The following NUP133 variants were observed in gnomAD, a reference collection of about 807,000 sequenced individuals.
NUP133 encodes the protein nuclear pore complex protein Nup133.
NUP133 carries 66 observed loss-of-function variants against 146.2 expected under a neutral mutation model. The observed-to-expected ratio is 0.45, with a 90% CI of 0.37 to 0.55. NUP133 has a LOEUF of 0.55. Among genes scored for constraint, NUP133 ranks in the 20% least tolerant of loss-of-function variants. The pLI, the probability that NUP133 is intolerant of heterozygous loss-of-function variation, is 0.00. For missense variants in NUP133, 1,277 were observed against 1,374.8 expected, an observed-to-expected ratio of 0.93 and a Z score of 1.12; for synonymous variants, 521 against 498.8, an observed-to-expected ratio of 1.04 and a Z score of -0.59.
Position 229,487,466 on chromosome 1 carries a change from CTTGTGCAT to C in NUP133, c.1334_1341del (p.Asn445ArgfsTer3), listed in dbSNP as rs1373565590. On this transcript the variant is annotated frameshift_variant and splice_region_variant, in exon 10 of 26. Transcript: ENST00000261396. LOFTEE classifies it high-confidence loss of function. ...ATGCTTTCTAAAACTGCTACTGTAC[CTTGTGCAT>C]TAAAGACAATTTTCTCCTGGGGAAG... 1 of 1,612,696 alleles carries C rather than the reference CTTGTGCAT, an allele frequency of 6.2e-7. No homozygotes were observed. Among genetic ancestry groups the C allele is most frequent in the Non-Finnish European group, 8.5e-7 (1 of 1,179,730 alleles).
intron 3 of NUP133, among the ~76,000 whole-genome samples, chr1:229,501,292 A>T (rs562652928): frequency 1.3e-5 from 2 of 152,230 alleles, no homozygotes; most frequent in East Asian, 3.8e-4. Flanking sequence ...TCTCAGCCAA[A>T]TATCAGGATC....
rs1306004025 is a variant in NUP133 at position 229,508,270 on chromosome 1, A to G, written c.-21T>C. On this transcript the variant is annotated 5_prime_UTR_variant, in exon 1 of 26. Coordinates refer to ENST00000261396, the MANE Select transcript of NUP133 (RefSeq NM_018230.3). ...AACATGACTCCAAGGAGCAGCGACT[A>G]GGACAGCGAGGGATCTGGCCGTCAG... The G allele has an allele frequency of 2.8e-6, 4 of 1,431,958 alleles. No homozygotes were observed. The highest frequency in any genetic ancestry group is 1.5e-5 in the African/African-American group (1 of 67,320). 88.7% of individuals were successfully genotyped at this position (1,431,958 alleles called of 1,614,324 possible). A position where few individuals can be genotyped will look rare whatever the true frequency, so the allele number is the denominator to read the frequency against.
chr1:229,499,049 C>A (rs989251103), intron 5 of NUP133: 1 of 395,918 alleles, frequency 2.5e-6, no homozygotes, highest in Non-Finnish European at 5.1e-6. Context: ...CAGGCACACA[C>A]CACTATGCCC....
rs1400280133 is a variant in NUP133 at position 229,442,021 on chromosome 1, G to A, written c.3354C>T (p.Tyr1118=). 3 of 1,572,894 alleles carry A rather than the reference G, an allele frequency of 1.9e-6. No individual in the cohort carries two copies. Among genetic ancestry groups the A allele is most frequent in the Non-Finnish European group, 2.6e-6 (3 of 1,167,392 alleles). ...GTAGCAGGTCTTTCACCTCCGGTAA[G>A]TACTCACTGAGCTGAATGCCTATAA... ...LLKDGIQLSE[Y]LPEVKDLLQA... Residue 1118 remains tyrosine, a synonymous_variant, in exon 26 of 26, where the codon TAC becomes TAT. Coordinates refer to ENST00000261396, the MANE Select transcript of NUP133 (RefSeq NM_018230.3).
Position 229,441,697 on chromosome 1 carries a change from C to T in NUP133, c.*207G>A, listed in dbSNP as rs1660186598. 2.2e-6 allele frequency: 1 copy of T among 460,226 alleles called. No homozygotes were observed. Among genetic ancestry groups the T allele is most frequent in the African/African-American group, 2.0e-5 (1 of 49,918 alleles). The allele number at this position is 460,226 out of a possible 1,614,324, so 28.5% of individuals were successfully genotyped here. A position where few individuals can be genotyped will look rare whatever the true frequency, so the allele number is the denominator to read the frequency against. On this transcript the variant is annotated 3_prime_UTR_variant, in exon 26 of 26. Transcript: ENST00000261396. Reference sequence around the variant, plus strand: ...CCGAGTACAGGAACAACAACTGACACATTTCAGGTGGAAAAAACAAGTCAC... The same window carrying T: ...CCGAGTACAGGAACAACAACTGACATATTTCAGGTGGAAAAAACAAGTCAC...
intron 14 of NUP133, among the ~76,000 whole-genome samples, chr1:229,472,101 C>T (rs985025523): frequency 5.1e-4 from 78 of 152,006 alleles, no homozygotes; most frequent in African/African-American, 1.7e-3. Flanking sequence ...GGGCGGATCA[C>T]GAGTTCAGGA....
At chr1:229,467,830 C>A (rs1333901402) in intron 15 of NUP133, among the ~76,000 whole-genome samples, 1 of 150,114 alleles carries the variant, frequency 6.7e-6, no homozygotes, top group African/African-American at 2.5e-5. Context: ...GAGGCTGAGG[C>A]AGGAGAATTG....
intron 24 of NUP133, among the ~76,000 whole-genome samples, chr1:229,447,832 C>G (rs959107156): frequency 2.6e-5 from 4 of 152,104 alleles, no homozygotes; most frequent in African/African-American, 7.2e-5. Context: ...CTTTCAGATG[C>G]GTTAGAATCA....
At chr1:229,474,433 CA>C (rs1661028852) in intron 14 of NUP133, among the ~76,000 whole-genome samples, 1 of 152,090 alleles carries the variant, frequency 6.6e-6, no homozygotes, top group South Asian at 2.1e-4. Context: ...AAGAGAGACT[CA>C]ATGAATGATT....
chr1:229,445,827 C>T (rs1170885983), intron 24 of NUP133, among the ~76,000 whole-genome samples: 2 of 152,134 alleles, frequency 1.3e-5, no homozygotes, highest in East Asian at 3.8e-4. Flanking sequence ...CAGGGACTGA[C>T]CTCTAAGACT....
Position 229,484,057 on chromosome 1 carries a change from C to T in NUP133, c.1589G>A (p.Cys530Tyr). The T allele has an allele frequency of 6.3e-7, 1 of 1,598,918 alleles. No homozygotes were observed. Among genetic ancestry groups the T allele is most frequent in the Non-Finnish European group, 8.6e-7 (1 of 1,166,840 alleles). Residue 530 changes from cysteine to tyrosine, a missense_variant, in exon 12 of 26, where the codon TGC becomes TAC. Coordinates refer to ENST00000261396, the MANE Select transcript of NUP133 (RefSeq NM_018230.3). ...TAATTTAAAAAACATGTTATACCTGCAGTATTGCAGAAAGGCAGCTTTCAG... is the reference window on the plus strand; with the variant it reads ...TAATTTAAAAAACATGTTATACCTGTAGTATTGCAGAAAGGCAGCTTTCAG... The part of the protein sequence containing the change: ...KLLKAAFLQY[C>Y]RKDLGHAQMV...
intron 15 of NUP133, among the ~76,000 whole-genome samples, chr1:229,470,320 G>C (rs955640977): frequency 6.6e-6 from 1 of 151,438 alleles, no homozygotes; most frequent in Admixed American, 6.6e-5. Flanking sequence ...AGCATGCAAA[G>C]CAAATAGGTA....
chr1:229,499,835 A>C lies in NUP133; in HGVS notation c.514-17T>G. The C allele has an allele frequency of 6.2e-7, 1 of 1,607,672 alleles. No individual in the cohort carries two copies. Among genetic ancestry groups the C allele is most frequent in the African/African-American group, 1.3e-5 (1 of 74,910 alleles). On this transcript the variant is annotated splice_polypyrimidine_tract_variant and intron_variant, in intron 4 of 25. Coordinates refer to ENST00000261396, the MANE Select transcript of NUP133 (RefSeq NM_018230.3). ...AGCAACAGCCTCAAAACAAGATCAC[A>C]ACAATCAGCAATCACAATAAAAGAG...
chr1:229,450,704 TGTA>T, intron 22 of NUP133, 99 bp from the exon 23 acceptor site: 3 of 561,862 alleles, frequency 5.3e-6, no homozygotes, highest in Middle Eastern at 5.1e-4. Flanking sequence ...GTAAGGAAGT[TGTA>T]GTTTGTTTTT....
At chr1:229,498,093 A>G (rs776346965) in intron 6 of NUP133, 43 bp downstream of exon 6, 2 of 1,386,702 alleles carry the variant, frequency 1.4e-6, no homozygotes, top group Non-Finnish European at 2.0e-6. Context: ...TTATTGATTT[A>G]ACTAAGAAAT....
rs1558108130 is a variant in NUP133, at chr1:229,498,264, G to A, written c.691C>T (p.Arg231Trp). 1.2e-6 allele frequency: 2 copies of A among 1,602,974 alleles called. No homozygotes were observed. The highest frequency in any genetic ancestry group is 1.1e-5 in the South Asian group (1 of 88,242). The change falls in exon 6 of 26, where the codon CGG (arginine) becomes TGG (tryptophan). Residue 231 changes from arginine to tryptophan, a missense_variant. Physicochemically the swap from Arg to Trp is moderately radical, Grantham distance 101. Transcript: ENST00000261396. ...TTTCCTGAGCTCTCAGGTATCAACC[G>A]AATTAGTTGGCTTCCTGATGAAGAC... The part of the protein sequence containing the change: ...ILSSSGSQLI[R>W]LIPESSGKIH...
At chr1:229,467,393 G>C (rs1486854400) in intron 15 of NUP133, among the ~76,000 whole-genome samples, 1 of 152,128 alleles carries the variant, frequency 6.6e-6, no homozygotes, top group Non-Finnish European at 1.5e-5. Context: ...AGAGATAAGA[G>C]GAAAGAAAAA....
rs1179728497 is a variant in NUP133 at position 229,441,305 on chromosome 1, T to C, written c.*599A>G. 1.2e-5 allele frequency: 5 copies of C among 428,162 alleles called. No homozygotes were observed. The highest frequency in any genetic ancestry group is 4.1e-5 in the African/African-American group (2 of 48,666). The allele number at this position is 428,162 out of a possible 1,614,324, so 26.5% of individuals were successfully genotyped here. A position where few individuals can be genotyped will look rare whatever the true frequency, so the allele number is the denominator to read the frequency against. On this transcript the variant is annotated 3_prime_UTR_variant, in exon 26 of 26. Coordinates refer to ENST00000261396, the MANE Select transcript of NUP133 (RefSeq NM_018230.3). ...CGTTTCATTCACTAAAATACTTTCA[T>C]TAGTGCTCATTTATTATTTATGTAG...
At chr1:229,453,131 G>T (rs1418909398) in intron 21 of NUP133, among the ~76,000 whole-genome samples, 2 of 152,118 alleles carry the variant, frequency 1.3e-5, no homozygotes, top group Admixed American at 6.5e-5. Flanking sequence ...GTCTTGCTAT[G>T]CTGCCCAGGC....
Sources: gnomAD v4.1 joint callset for allele counts (sites outside exome capture counted in the v4.1 genomes callset) on GRCh38, gnomAD v4.1.1 for gene constraint, MANE v1.5 for transcripts, NCBI Gene and HGNC (gene_info 2026-07-23, HGNC 2026-07-21) for gene names.